CNTN5: variants seen among roughly 807,000 people sequenced by gnomAD.
CNTN5 encodes contactin 5.
A neutral mutation model predicts 129.1 loss-of-function variants in CNTN5; 77 were observed. The ratio of observed to expected loss-of-function variants is 0.60; its 90% confidence interval spans 0.50 to 0.72. The LOEUF is 0.72. Among genes scored for constraint, CNTN5 ranks in the 30% least tolerant of loss-of-function variants. The pLI is 0.00. For missense variants in CNTN5, 1,478 were observed against 1,328.8 expected, an observed-to-expected ratio of 1.11 and a Z score of -1.75; for synonymous variants, 509 against 465.6, an observed-to-expected ratio of 1.09 and a Z score of -1.20.
intron 18 of CNTN5, among the ~76,000 whole-genome samples, chr11:100,283,829 C>A (rs1380509107): frequency 6.6e-6 from 1 of 151,970 alleles, no homozygotes; most frequent in African/African-American, 2.4e-5. Context: ...ACCTGTAATC[C>A]CAGCTACTCG....
chr11:99,358,712 G>A (rs1565518843), intron 2 of CNTN5, among the ~76,000 whole-genome samples: 1 of 152,110 alleles, frequency 6.6e-6, no homozygotes. Context: ...TCAGGTGACA[G>A]GACATACATT....
intron 15 of CNTN5, among the ~76,000 whole-genome samples, chr11:100,211,358 CT>C (rs970099787): frequency 3.6e-4 from 55 of 152,116 alleles, no homozygotes; most frequent in African/African-American, 1.3e-3. Flanking sequence ...TAAAATAAGA[CT>C]TTTGCTAAGC....
At chr11:99,431,105 A>C (rs1943350520) in intron 2 of CNTN5, among the ~76,000 whole-genome samples, 1 of 151,918 alleles carries the variant, frequency 6.6e-6, no homozygotes, top group Non-Finnish European at 1.5e-5. Context: ...GATTTGACCA[A>C]GTCAGGTAGA....
chr11:99,276,926 T>G (rs1437894768), intron 1 of CNTN5, among the ~76,000 whole-genome samples: 2 of 151,638 alleles, frequency 1.3e-5, no homozygotes, highest in African/African-American at 4.8e-5. Flanking sequence ...TAATTAGGAT[T>G]ATTGCAAAAG....
intron 10 of CNTN5, among the ~76,000 whole-genome samples, chr11:100,069,303 C>A (rs1943812673): frequency 6.6e-6 from 1 of 152,050 alleles, no homozygotes; most frequent in African/African-American, 2.4e-5. Flanking sequence ...TAGGCATGTG[C>A]CACCACACCT....
chr11:99,983,371 G>C (rs1057209704), intron 8 of CNTN5, among the ~76,000 whole-genome samples: 1 of 149,340 alleles, frequency 6.7e-6, no homozygotes, highest in Non-Finnish European at 1.5e-5. Flanking sequence ...TGAGATTTGT[G>C]AGGAGAGGTA....
In CNTN5 at chr11:99,438,172, T is replaced by A. The variant is rs188462358; in HGVS notation, c.-71+112688T>A. Among the ~76,000 whole-genome samples the A allele has an allele frequency of 2.6e-5, 4 of 152,344 alleles. No individual in the cohort carries two copies. In the East Asian group the frequency reaches 7.7e-4, roughly 29 times the overall value. ...TAAGATGTACTTCAACTTTACAAAT[T>A]CTGATTGAGTCAATAAATACTTAAT... On this transcript the variant is annotated intron_variant, in intron 2 of 24. Transcript: ENST00000524871.
intron 3 of CNTN5, among the ~76,000 whole-genome samples, chr11:99,638,631 C>G (rs586877): frequency 3.3e-5 from 5 of 151,670 alleles, no homozygotes; most frequent in African/African-American, 1.2e-4. Context: ...CGGGAGAAAT[C>G]GGCTAAAACA....
intron 13 of CNTN5, among the ~76,000 whole-genome samples, chr11:100,083,403 A>G (rs1209911212): frequency 1.9e-5 from 1 of 51,968 alleles, no homozygotes; most frequent in African/African-American, 2.4e-4. Flanking sequence ...GAACTCACTT[A>G]TCATCAGGGG....
At chr11:99,152,316 T>G (rs2135490830) in intron 1 of CNTN5, among the ~76,000 whole-genome samples, 1 of 152,350 alleles carries the variant, frequency 6.6e-6, no homozygotes, top group Non-Finnish European at 1.5e-5. Context: ...AAGATTCATT[T>G]ATAGCTTCAT....
chr11:99,369,177 T>A (rs1939658731), intron 2 of CNTN5, among the ~76,000 whole-genome samples: 1 of 137,508 alleles, frequency 7.3e-6, no homozygotes, highest in Non-Finnish European at 1.5e-5. Context: ...ATTATATATA[T>A]ATAATATATA....
At position 100,358,314 on chromosome 11, in the gene CNTN5, C is replaced by T. The variant is rs536992532; in HGVS notation, c.*2094C>T. The stretch of plus-strand genomic sequence containing the variant: ...AAATAAAATGGCAAATTTAAATTAA[C>T]CAATATTTTTAATTAGCTGATGGAT... On this transcript the variant is annotated 3_prime_UTR_variant, in exon 25 of 25. Coordinates refer to ENST00000524871, the MANE Select transcript of CNTN5 (RefSeq NM_014361.4). 3 of 151,824 alleles carry T rather than the reference C, an allele frequency of 2.0e-5. No homozygotes were observed. In the South Asian group the frequency reaches 6.2e-4, roughly 32 times the overall value. 9.4% of individuals were successfully genotyped at this position (151,824 alleles called of 1,614,324 possible).
rs529948373 is a variant in CNTN5 at position 100,081,924 on chromosome 11, GA to G, written c.1580+7636del. 9.9e-5 allele frequency among the ~76,000 whole-genome samples: 15 copies of G among 152,120 alleles called. No homozygotes were observed. The South Asian group carries it at 3.1e-3, about 32-fold the overall frequency. On this transcript the variant is annotated intron_variant, in intron 13 of 24. Transcript: ENST00000524871. Reference sequence around the variant, plus strand: ...GGGAACAGATTCTGGAGCACTGAGAGAAAAAAGAGACAAATAAAACTGAAAA... The same window carrying G: ...GGGAACAGATTCTGGAGCACTGAGAGAAAAAGAGACAAATAAAACTGAAAA...
At chr11:100,160,233 C>T (rs1263764215) in intron 13 of CNTN5, among the ~76,000 whole-genome samples, 1 of 151,896 alleles carries the variant, frequency 6.6e-6, no homozygotes, top group Non-Finnish European at 1.5e-5. Context: ...CATCCATGTC[C>T]CTGCAAAGAA....
chr11:99,053,937 T>C (rs1246142849), intron 1 of CNTN5, among the ~76,000 whole-genome samples: 4 of 152,052 alleles, frequency 2.6e-5, no homozygotes, highest in African/African-American at 9.7e-5. Flanking sequence ...TAAGCAGATA[T>C]TGGATGTTTG....
chr11:99,736,993 C>T (rs1202709320), intron 3 of CNTN5, among the ~76,000 whole-genome samples: 1 of 152,118 alleles, frequency 6.6e-6, no homozygotes, highest in Non-Finnish European at 1.5e-5. Context: ...TGTTCCCAAG[C>T]ACAGTGAACT....
At chr11:99,231,042 C>A (rs1367141099) in intron 1 of CNTN5, among the ~76,000 whole-genome samples, 1 of 152,024 alleles carries the variant, frequency 6.6e-6, no homozygotes, top group African/African-American at 2.4e-5. Flanking sequence ...ATTTGTTTAT[C>A]CAGTCTATCA....
At chr11:100,272,807 C>T (rs1428619482) in intron 18 of CNTN5, among the ~76,000 whole-genome samples, 2 of 152,148 alleles carry the variant, frequency 1.3e-5, no homozygotes, top group African/African-American at 4.8e-5. Context: ...ACTCTTGCCA[C>T]AGGCCTCTGG....
At chr11:100,351,757 T>A (rs887117645) in intron 24 of CNTN5, among the ~76,000 whole-genome samples, 2 of 151,346 alleles carry the variant, frequency 1.3e-5, no homozygotes, top group African/African-American at 4.9e-5. Flanking sequence ...CATGTACAAT[T>A]AGTGGGTAAT....
Sources: allele counts gnomAD v4.1 joint callset (sites outside exome capture counted in the v4.1 genomes callset), GRCh38; gene constraint gnomAD v4.1.1; transcripts MANE v1.5; gene names NCBI Gene and HGNC (gene_info 2026-07-23, HGNC 2026-07-21).